Variants in PODN observed in about 807,000 individuals in gnomAD.
PODN encodes the protein podocan proteoglycan.
A neutral mutation model predicts 52.7 loss-of-function variants in PODN; 40 were observed. That is an observed-to-expected ratio of 0.76 (90% CI 0.59 to 0.99). The LOEUF (loss-of-function observed/expected upper bound fraction) is 0.99. PODN is among the 50% of genes least tolerant of loss of function. The pLI is 0.00. For synonymous variants in PODN, 396 were observed against 377.9 expected (o/e 1.05, Z -0.56); for missense variants, 720 against 815.1 (o/e 0.88, Z 1.42).
Position 53,074,697 on chromosome 1 carries a change from G to A in PODN, c.471+27G>A, listed in dbSNP as rs758570733. The A allele has an allele frequency of 5.0e-6, 8 of 1,608,154 alleles. No individual in the cohort carries two copies. In the South Asian group the frequency reaches 5.5e-5, roughly 11 times the overall value. On this transcript the variant is annotated intron_variant, in intron 4 of 10. Coordinates refer to ENST00000312553, the MANE Select transcript of PODN (RefSeq NM_153703.5). ...TGAGGGGCTTGAGGCAGGGTGGGGG[G>A]TTGCTGCCCTGTCCTCTAGGCATTG...
In PODN at chr1:53,078,719, C is replaced by G; in HGVS notation, c.1209C>G (p.Thr403=). 6.2e-7 allele frequency: 1 copy of G among 1,613,504 alleles called. No individual in the cohort carries two copies. The highest frequency in any genetic ancestry group is 8.5e-7 in the Non-Finnish European group (1 of 1,179,984). The change falls in exon 8 of 11, where the codon ACC becomes ACG. Residue 403 remains threonine, a synonymous_variant. Coordinates refer to ENST00000312553, the MANE Select transcript of PODN (RefSeq NM_153703.5). ...TTGGCCGCGAAGACTTTGCCACCAC[C>G]TACTTCCTGGAGGAGCTCAACCTCA... ...TGIGREDFAT[T]YFLEELNLSY...
intron 5 of PODN, among the ~76,000 whole-genome samples, chr1:53,076,763 T>C (rs1644200261): frequency 6.6e-6 from 1 of 152,158 alleles, no homozygotes; most frequent in Non-Finnish European, 1.5e-5. Flanking sequence ...AGACAGGCCC[T>C]GTGCTGGCAC....
At chr1:53,063,916 A>C (rs1282161044) in intron 1 of PODN, among the ~76,000 whole-genome samples, 1 of 151,772 alleles carries the variant, frequency 6.6e-6, no homozygotes, top group Non-Finnish European at 1.5e-5. Context: ...CGCCCTGTTG[A>C]CCCTTCCTTA....
rs999704800 is a variant in PODN, at chr1:53,085,216, C to T, written c.*731C>T. On this transcript the variant is annotated 3_prime_UTR_variant, in exon 11 of 11. Coordinates refer to ENST00000312553, the MANE Select transcript of PODN (RefSeq NM_153703.5). ...CTCCCTGCCACGCCCTGGCAGGACACAGGCACTTTTCCAATGGGCAAGCCC... is the reference window on the plus strand; with the variant it reads ...CTCCCTGCCACGCCCTGGCAGGACATAGGCACTTTTCCAATGGGCAAGCCC... The T allele has an allele frequency of 6.6e-6, 1 of 152,176 alleles. No homozygotes were observed. Among genetic ancestry groups the T allele is most frequent in the Non-Finnish European group, 1.5e-5 (1 of 68,080 alleles). 9.4% of individuals were successfully genotyped at this position (152,176 alleles called of 1,614,324 possible). A position where few individuals can be genotyped will look rare whatever the true frequency, so the allele number is the denominator to read the frequency against.
At chr1:53,068,207 A>C (rs184968147) in intron 1 of PODN, among the ~76,000 whole-genome samples, 1 of 152,372 alleles carries the variant, frequency 6.6e-6, no homozygotes, top group East Asian at 1.9e-4. Flanking sequence ...CATAAGAGCC[A>C]GAGCTGAGGC....
rs948708734 is a variant in PODN at position 53,072,395 on chromosome 1, A to G, written c.406+767A>G. Among the ~76,000 whole-genome samples the G allele has an allele frequency of 2.0e-5, 3 of 152,244 alleles. 1 individual carries two copies. The highest frequency in any genetic ancestry group is 2.1e-4 in the South Asian group (1 of 4,832). ...TGGTTTAAACACACACGTAGATAGT[A>G]TCAGTTGTGGGAGGCTGTACAAGTT... On this transcript the variant is annotated intron_variant, in intron 3 of 10. Transcript: ENST00000312553.
At chr1:53,075,542 C>T (rs1008387260) in intron 4 of PODN, among the ~76,000 whole-genome samples, 2 of 152,204 alleles carry the variant, frequency 1.3e-5, no homozygotes, top group African/African-American at 2.4e-5. Flanking sequence ...TCACACCCAT[C>T]GCTTCTTGGT....
At chr1:53,064,216 C>G (rs776807776) in intron 1 of PODN, among the ~76,000 whole-genome samples, 5 of 152,268 alleles carry the variant, frequency 3.3e-5, no homozygotes, top group Non-Finnish European at 5.9e-5. Flanking sequence ...TTCCCCAGCA[C>G]CCCCACTCCA....
intron 1 of PODN, among the ~76,000 whole-genome samples, chr1:53,066,588 C>T (rs1040499302): frequency 6.6e-6 from 1 of 152,038 alleles, no homozygotes; most frequent in East Asian, 1.9e-4. Context: ...AGAAGCCACG[C>T]TGAGTCTTCT....
rs79245768 is a variant in PODN, at chr1:53,071,633, G to A, written c.406+5G>A. ...ACAACCGCCTGACTTCCCGAGGTGA[G>A]GGGCCACCCAGAGCCCAGGGTCAGG... is the stretch of plus-strand genomic sequence containing the variant. On this transcript the variant is annotated splice_donor_5th_base_variant and intron_variant, in intron 3 of 10. Coordinates refer to ENST00000312553, the MANE Select transcript of PODN (RefSeq NM_153703.5). 960 of 1,611,900 alleles carry A rather than the reference G, an allele frequency of 6.0e-4. 5 individuals carry two copies. In the East Asian group the frequency reaches 0.013, roughly 21 times the overall value.
chr1:53,076,000 G>A, intron 5 of PODN, 29 bp downstream of exon 5: 6 of 1,530,470 alleles, frequency 3.9e-6, no homozygotes, highest in Non-Finnish European at 5.3e-6. Context: ...TCAGGGCTCG[G>A]GCTGGGGCAA....
intron 3 of PODN, chr1:53,073,814 T>TG (rs1345398636): frequency 6.6e-6 from 1 of 152,260 alleles, no homozygotes; most frequent in African/African-American, 2.4e-5. Flanking sequence ...AAGGTATAAT[T>TG]GGCTGAGTTT....
chr1:53,085,381 G>C lies in PODN; in HGVS notation c.*896G>C, dbSNP rs1014911110. 7.2e-5 allele frequency: 11 copies of C among 152,260 alleles called. No individual in the cohort carries two copies. The highest frequency in any genetic ancestry group is 1.4e-4 in the African/African-American group (6 of 41,474). 9.4% of individuals were successfully genotyped at this position (152,260 alleles called of 1,614,324 possible). On this transcript the variant is annotated 3_prime_UTR_variant, in exon 11 of 11. Transcript: ENST00000312553. Reference sequence around the variant, plus strand: ...AGACACCTTTGTTCTTCAGGCCTGTGGGGGAAGTTCCGGGTGCCTTTATTT... The same window carrying C: ...AGACACCTTTGTTCTTCAGGCCTGTCGGGGAAGTTCCGGGTGCCTTTATTT...
intron 10 of PODN, among the ~76,000 whole-genome samples, chr1:53,083,376 T>G (rs1644321662): frequency 6.6e-6 from 1 of 152,030 alleles, no homozygotes; most frequent in South Asian, 2.1e-4. Flanking sequence ...GGGGCTGGCT[T>G]GGGTGCTGGT....
chr1:53,082,534 C>A (rs894200577), intron 10 of PODN, among the ~76,000 whole-genome samples: 1 of 152,042 alleles, frequency 6.6e-6, no homozygotes, highest in Non-Finnish European at 1.5e-5. Flanking sequence ...CTGCAGGGGG[C>A]TGGGGAAGCT....
At position 53,079,023 on chromosome 1, in the gene PODN, G is replaced by A. The variant is rs1365126563; in HGVS notation, c.1512+1G>A. 2.0e-6 allele frequency: 3 copies of A among 1,534,750 alleles called. No homozygotes were observed. The highest frequency in any genetic ancestry group is 2.6e-6 in the Non-Finnish European group (3 of 1,139,240). Reference sequence around the variant, plus strand: ...CTGGGTGGACCTCGCCCATCTGCAGGTAAGCGGAAGGGAGGGGGCTGAGCC... The same window carrying A: ...CTGGGTGGACCTCGCCCATCTGCAGATAAGCGGAAGGGAGGGGGCTGAGCC... On this transcript the variant is annotated splice_donor_variant, in intron 8 of 10. Transcript: ENST00000312553. LOFTEE classifies it high-confidence loss of function.
At chr1:53,068,513 C>T (rs1475197890) in intron 1 of PODN, among the ~76,000 whole-genome samples, 2 of 151,626 alleles carry the variant, frequency 1.3e-5, no homozygotes, top group African/African-American at 2.4e-5. Context: ...GCAGTGGTGA[C>T]AGCAGCTCAT....
intron 9 of PODN, among the ~76,000 whole-genome samples, chr1:53,081,580 G>A (rs994505416): frequency 2.0e-5 from 3 of 152,322 alleles, no homozygotes; most frequent in Non-Finnish European, 2.9e-5. Context: ...GCCTGGCTCA[G>A]CGCTGGCCTT....
intron 1 of PODN, among the ~76,000 whole-genome samples, chr1:53,065,232 T>C (rs1171369834): frequency 6.6e-6 from 1 of 152,166 alleles, no homozygotes; most frequent in Non-Finnish European, 1.5e-5. Context: ...GGCACATGCC[T>C]GTAGTTTCAG....
Sources: gnomAD v4.1 joint callset for allele counts (sites outside exome capture counted in the v4.1 genomes callset) on GRCh38, gnomAD v4.1.1 for gene constraint, MANE v1.5 for transcripts, NCBI Gene and HGNC (gene_info 2026-07-23, HGNC 2026-07-21) for gene names.